The following KAT7 variants were observed in gnomAD, a reference collection of about 807,000 sequenced individuals.
KAT7 encodes the protein histone acetyltransferase KAT7.
In KAT7, 10 loss-of-function variants were observed where a neutral mutation model predicts 82.1. That is an observed-to-expected ratio of 0.12 (90% CI 0.08 to 0.21). KAT7 has a LOEUF of 0.21. KAT7 is among the 10% of genes least tolerant of loss of function. KAT7 has a pLI of 1.00. For missense variants in KAT7, 378 were observed against 760.9 expected, an observed-to-expected ratio of 0.50 and a Z score of 5.92; for synonymous variants, 250 against 262.5, an observed-to-expected ratio of 0.95 and a Z score of 0.46.
intron 5 of KAT7, among the ~76,000 whole-genome samples, chr17:49,805,792 A>T (rs2074084332): frequency 6.6e-6 from 1 of 152,178 alleles, no homozygotes; most frequent in Admixed American, 6.5e-5. Context: ...ATGTGATCTT[A>T]ATATTTATGC....
intron 8 of KAT7, among the ~76,000 whole-genome samples, chr17:49,816,405 G>C (rs1567860536): frequency 7.3e-6 from 1 of 137,676 alleles, no homozygotes; most frequent in Non-Finnish European, 1.7e-5. Flanking sequence ...TGATACATTG[G>C]TTTTCCATTC....
At chr17:49,822,415 G>C (rs1409911595) in intron 11 of KAT7, among the ~76,000 whole-genome samples, 1 of 152,044 alleles carries the variant, frequency 6.6e-6, no homozygotes, top group Non-Finnish European at 1.5e-5. Flanking sequence ...GATTTTAGTA[G>C]AGATGGTGTT....
chr17:49,818,451 T>A (rs1251893311), intron 9 of KAT7, among the ~76,000 whole-genome samples: 1 of 152,196 alleles, frequency 6.6e-6, no homozygotes, highest in Admixed American at 6.5e-5. Flanking sequence ...GTTGAATGGG[T>A]ACTTATTAAT....
rs1006881161 is a variant in KAT7 at position 49,833,579 on chromosome 17, C to G, written c.*6077C>G. The G allele has an allele frequency of 1.3e-5, 2 of 152,178 alleles. No homozygotes were observed. Among genetic ancestry groups the G allele is most frequent in the Non-Finnish European group, 2.9e-5 (2 of 68,028 alleles). The allele number at this position is 152,178 out of a possible 1,614,324, so 9.4% of individuals were successfully genotyped here. ...ACTTTTGCTCTTGAAAATAAGCTGACACGTTTCCAAACGAGAAGCTTGGGC... is the reference window on the plus strand; with the variant it reads ...ACTTTTGCTCTTGAAAATAAGCTGAGACGTTTCCAAACGAGAAGCTTGGGC... On this transcript the variant is annotated 3_prime_UTR_variant, in exon 15 of 15. Transcript: ENST00000259021.
At chr17:49,800,136 C>A (rs959278087) in intron 4 of KAT7, among the ~76,000 whole-genome samples, 2 of 150,772 alleles carry the variant, frequency 1.3e-5, no homozygotes, top group South Asian at 2.1e-4. Flanking sequence ...CTCAGCCTCT[C>A]GAGTAGCTGG....
chr17:49,809,998 G>A (rs929352593), intron 6 of KAT7, among the ~76,000 whole-genome samples: 1 of 152,202 alleles, frequency 6.6e-6, no homozygotes, highest in African/African-American at 2.4e-5. Context: ...GAGATATATG[G>A]TGATGAGGAA....
chr17:49,798,272 A>C (rs1262365389), intron 3 of KAT7, 47 bp from the exon 4 acceptor site: 4 of 1,584,690 alleles, frequency 2.5e-6, no homozygotes, highest in Non-Finnish European at 3.5e-6. Flanking sequence ...TAAACTTCTA[A>C]ATAAATGAAC....
rs115653973 is a variant in KAT7, at chr17:49,827,175, A to C, written c.1735-226A>C. The C allele has an allele frequency of 2.5e-3, 1,363 of 544,742 alleles. 13 individuals are homozygous for C. The highest frequency in any genetic ancestry group is 0.024 in the African/African-American group (1,253 of 53,022). The allele number at this position is 544,742 out of a possible 1,614,324, so 33.7% of individuals were successfully genotyped here. On this transcript the variant is annotated intron_variant, in intron 14 of 14. Coordinates refer to ENST00000259021, the MANE Select transcript of KAT7 (RefSeq NM_007067.5). Reference sequence around the variant, plus strand: ...ATTTTTTAAATTATTTCATATATACAATAAAGGTCGGTGAGCGATGATTTT... The same window carrying C: ...ATTTTTTAAATTATTTCATATATACCATAAAGGTCGGTGAGCGATGATTTT...
chr17:49,804,746 C>G (rs1034842267), intron 4 of KAT7, among the ~76,000 whole-genome samples: 3 of 152,094 alleles, frequency 2.0e-5, no homozygotes, highest in African/African-American at 7.2e-5. Context: ...GCATTCCAGC[C>G]TAGGTGACAT....
chr17:49,788,704 G>A lies in KAT7; in HGVS notation c.-131G>A, dbSNP rs1001521665. On this transcript the variant is annotated 5_prime_UTR_variant, in exon 1 of 15. Transcript: ENST00000259021. ...GCGCAGAACGCTCCAGACGCTGAGA[G>A]GCAGGAGGCACTAGGGATCGTCCGC... 15 of 981,852 alleles carry A rather than the reference G, an allele frequency of 1.5e-5. No individual in the cohort carries two copies. The highest frequency in any genetic ancestry group is 6.8e-5 in the African/African-American group (4 of 58,514). The allele number at this position is 981,852 out of a possible 1,614,324, so 60.8% of individuals were successfully genotyped here.
chr17:49,827,358 G>C, intron 14 of KAT7, 43 bp from the exon 15 acceptor site: 2 of 1,207,402 alleles, frequency 1.7e-6, no homozygotes, highest in Non-Finnish European at 2.5e-6. Context: ...AAAGGCACTT[G>C]AGTTGAAAGT....
intron 4 of KAT7, among the ~76,000 whole-genome samples, chr17:49,801,659 T>C (rs2074026246): frequency 6.6e-6 from 1 of 152,006 alleles, no homozygotes; most frequent in South Asian, 2.1e-4. Flanking sequence ...TCAGCTAATA[T>C]TTGTATTTAT....
chr17:49,806,370 G>A (rs972933822), intron 5 of KAT7, among the ~76,000 whole-genome samples: 7 of 152,276 alleles, frequency 4.6e-5, no homozygotes, highest in African/African-American at 1.4e-4. Flanking sequence ...TGTACTTTCC[G>A]TGCTTATATG....
chr17:49,796,795 C>T lies in KAT7; in HGVS notation c.209C>T (p.Pro70Leu). ...RNLQSFGTEE[P>L]AYSTRRVTRS... is the part of the protein sequence containing the mutation. ...CTGCAGTCTTTTGGCACTGAGGAGCCTGCTTACTCTACCAGAAGAGTGACC... is the reference window on the plus strand; with the variant it reads ...CTGCAGTCTTTTGGCACTGAGGAGCTTGCTTACTCTACCAGAAGAGTGACC... The change falls in exon 3 of 15, where the codon CCT becomes CTT. Residue 70 changes from proline (P) to leucine (L), a missense_variant. Coordinates refer to ENST00000259021, the MANE Select transcript of KAT7 (RefSeq NM_007067.5). The T allele has an allele frequency of 6.2e-7, 1 of 1,613,628 alleles. No homozygotes were observed. The highest frequency in any genetic ancestry group is 1.3e-5 in the African/African-American group (1 of 75,002).
chr17:49,795,748 C>A, intron 2 of KAT7: 1 of 227,338 alleles, frequency 4.4e-6, no homozygotes. Flanking sequence ...TACTTTTGGC[C>A]ACATAGCTAG....
At chr17:49,810,528 A>G (rs1302218650) in intron 6 of KAT7, among the ~76,000 whole-genome samples, 1 of 152,202 alleles carries the variant, frequency 6.6e-6, no homozygotes, top group Non-Finnish European at 1.5e-5. Context: ...AAGTGCTGGG[A>G]TTATAAGCAT....
rs1386298199 is a variant in KAT7 at position 49,828,990 on chromosome 17, G to A, written c.*1488G>A. 1 of 152,682 alleles carries A rather than the reference G, an allele frequency of 6.5e-6. No individual in the cohort carries two copies. The highest frequency in any genetic ancestry group is 1.5e-5 in the Non-Finnish European group (1 of 68,040). The allele number at this position is 152,682 out of a possible 1,614,324, so 9.5% of individuals were successfully genotyped here. A position where few individuals can be genotyped will look rare whatever the true frequency, so the allele number is the denominator to read the frequency against. ...TTATCAAAAAGCAACTTCACTAGGG[G>A]TTTTCTTAAGGGATAAAGGCCTTTT... On this transcript the variant is annotated 3_prime_UTR_variant, in exon 15 of 15. Coordinates refer to ENST00000259021, the MANE Select transcript of KAT7 (RefSeq NM_007067.5).
intron 5 of KAT7, 31 bp from the exon 6 acceptor site, chr17:49,809,088 G>A (rs749757350): frequency 6.4e-7 from 1 of 1,552,670 alleles, no homozygotes; most frequent in African/African-American, 1.4e-5. Flanking sequence ...TTAGAAGCAG[G>A]TGGATTTATT....
At chr17:49,799,099 GTA>G (rs1479635561) in intron 4 of KAT7, among the ~76,000 whole-genome samples, 1 of 152,154 alleles carries the variant, frequency 6.6e-6, no homozygotes, top group African/African-American at 2.4e-5. Context: ...TGATAAATAA[GTA>G]TCTTATTATA....
Sources: gnomAD v4.1 joint callset for allele counts (sites outside exome capture counted in the v4.1 genomes callset) on GRCh38, gnomAD v4.1.1 for gene constraint, MANE v1.5 for transcripts, NCBI Gene and HGNC (gene_info 2026-07-23, HGNC 2026-07-21) for gene names.